ICA1: variants seen among roughly 807,000 people sequenced by gnomAD.
ICA1 encodes islet cell autoantigen 1.
In ICA1, 40 loss-of-function variants were observed where a neutral mutation model predicts 71.0. The ratio of observed to expected loss-of-function variants is 0.56; its 90% CI spans 0.44 to 0.73. The LOEUF is 0.73. Among genes scored for constraint, ICA1 ranks in the 30% least tolerant of loss-of-function variants. The pLI, the probability that ICA1 is intolerant of heterozygous loss-of-function variation, is 0.00. For missense variants in ICA1, 578 were observed against 576.5 expected, an observed-to-expected ratio of 1.00 and a Z score of -0.03; for synonymous variants, 207 against 209.5, an observed-to-expected ratio of 0.99 and a Z score of 0.10.
chr7:8,255,769 ACTT>A (rs1809906622), intron 1 of ICA1, among the ~76,000 whole-genome samples: 2 of 135,390 alleles, frequency 1.5e-5, no homozygotes, highest in South Asian at 4.4e-4. Context: ...TGAAAACCTC[ACTT>A]CTTTCTCTTT....
At chr7:8,128,741 G>C (rs1230258892) in intron 12 of ICA1, among the ~76,000 whole-genome samples, 1 of 152,192 alleles carries the variant, frequency 6.6e-6, no homozygotes, top group African/African-American at 2.4e-5. Context: ...GGTCTGGTTT[G>C]CCTAAGTGCC....
intron 12 of ICA1, among the ~76,000 whole-genome samples, chr7:8,134,392 T>C (rs780060282): frequency 6.6e-5 from 10 of 152,190 alleles, no homozygotes; most frequent in Non-Finnish European, 1.5e-5. Flanking sequence ...CTGAGTTTCA[T>C]GACCTCAGCA....
chr7:8,157,066 A>G, intron 8 of ICA1, 50 bp downstream of exon 8: 1 of 1,614,016 alleles, frequency 6.2e-7, no homozygotes, highest in Non-Finnish European at 8.5e-7. Flanking sequence ...TGATATAAAC[A>G]AAACTTTACT....
chr7:8,221,517 A>C, intron 4 of ICA1, 119 bp from the exon 5 acceptor site: 1 of 1,171,502 alleles, frequency 8.5e-7, no homozygotes, highest in Non-Finnish European at 1.2e-6. Flanking sequence ...ATGAAATTAA[A>C]TCTAAGCGGC....
intron 6 of ICA1, among the ~76,000 whole-genome samples, chr7:8,161,934 C>T (rs1803995077): frequency 1.3e-5 from 2 of 152,172 alleles, no homozygotes; most frequent in South Asian, 4.1e-4. Flanking sequence ...TGTAAGGAAA[C>T]AGACAATGAA....
Position 8,234,893 on chromosome 7 carries a change from C to T in ICA1, c.17+1017G>A, listed in dbSNP as rs1412208332. 3.9e-5 allele frequency among the ~76,000 whole-genome samples: 6 copies of T among 152,154 alleles called. No homozygotes were observed. Among genetic ancestry groups the T allele is most frequent in the South Asian group, 2.1e-4 (1 of 4,810 alleles). On this transcript the variant is annotated intron_variant, in intron 2 of 13. Transcript: ENST00000402384. This position sits in a 1 kb window ranked among gnomAD's most constrained non-coding sequence, Gnocchi z 4.5. The stretch of plus-strand genomic sequence containing the variant: ...TAGAATGGATTTCTTTGGCCGGGCG[C>T]GGTGGCTCATGCCTGTAATCCCAGC...
Position 8,113,951 on chromosome 7 carries a change from T to G in ICA1, c.1424A>C (p.Asp475Ala). ...LSNPDAVGKT[D>A]KEHELLNA ...TGCATTGAGCAATTCGTGTTCTTTATCGGTTTTCCCAACAGCATCAGGATT... is the reference window on the plus strand; with the variant it reads ...TGCATTGAGCAATTCGTGTTCTTTAGCGGTTTTCCCAACAGCATCAGGATT... The change falls in exon 14 of 14, where the codon GAT becomes GCT. Residue 475 changes from aspartate to alanine, a missense_variant. Transcript: ENST00000402384. The surrounding 1 kb of genome is among the most constrained non-coding windows in gnomAD (Gnocchi z 4.2). The G allele has an allele frequency of 6.2e-7, 1 of 1,614,186 alleles. No homozygotes were observed.
intron 4 of ICA1, among the ~76,000 whole-genome samples, chr7:8,225,933 G>T (rs1045887268): frequency 3.9e-5 from 6 of 152,084 alleles, no homozygotes; most frequent in African/African-American, 1.2e-4. Flanking sequence ...ATGAGAGTAC[G>T]GCTTCCATGT....
At chr7:8,168,369 G>A (rs917597816) in intron 6 of ICA1, among the ~76,000 whole-genome samples, 1 of 151,892 alleles carries the variant, frequency 6.6e-6, no homozygotes, top group Non-Finnish European at 1.5e-5. Flanking sequence ...CATTTGTTTG[G>A]GAAATCCCTA....
intron 6 of ICA1, among the ~76,000 whole-genome samples, chr7:8,179,205 C>A (rs149203034): frequency 3.5e-4 from 54 of 152,310 alleles, no homozygotes; most frequent in African/African-American, 1.2e-3. Context: ...AACCTGGACG[C>A]CTGGCTGGGA....
chr7:8,182,595 G>A lies in ICA1; in HGVS notation c.580-23943C>T, dbSNP rs563340022. Among the ~76,000 whole-genome samples the A allele has an allele frequency of 3.3e-5, 5 of 152,086 alleles. No homozygotes were observed. In the South Asian group the frequency reaches 1.0e-3, roughly 32 times the overall value. On this transcript the variant is annotated intron_variant, in intron 6 of 13. Transcript: ENST00000402384. ...CCTGGGATCCTAGTAGTTATCTTAT[G>A]GGTGATATATTTCCTCTAAATTTTT...
chr7:8,221,908 G>C (rs1422933965), intron 4 of ICA1, among the ~76,000 whole-genome samples: 1 of 152,074 alleles, frequency 6.6e-6, no homozygotes, highest in East Asian at 1.9e-4. Context: ...AGGGACGGAG[G>C]GTGGGGAGGT....
intron 9 of ICA1, chr7:8,142,137 C>G: frequency 1.6e-6 from 1 of 616,516 alleles, no homozygotes; most frequent in East Asian, 6.3e-5. Context: ...GTTAAAAAAA[C>G]TGTAAAAATA....
intron 6 of ICA1, among the ~76,000 whole-genome samples, chr7:8,161,820 C>G (rs538489416): frequency 6.2e-4 from 94 of 152,298 alleles, no homozygotes; most frequent in African/African-American, 2.2e-3. Context: ...GTCCTGCTTA[C>G]CATAGCCTTG....
chr7:8,151,986 G>A (rs1426138965), intron 8 of ICA1, among the ~76,000 whole-genome samples: 1 of 152,176 alleles, frequency 6.6e-6, no homozygotes, highest in African/African-American at 2.4e-5. Flanking sequence ...TCAAGAGCGA[G>A]TTGTAAAGCC....
chr7:8,158,711 A>T (rs549283100), intron 6 of ICA1, 59 bp from the exon 7 acceptor site: 6 of 1,547,724 alleles, frequency 3.9e-6, no homozygotes, highest in Non-Finnish European at 5.3e-6. Context: ...TAAAATTTGC[A>T]GGTGAAATGA....
At chr7:8,253,682 G>A (rs1335826279) in intron 1 of ICA1, among the ~76,000 whole-genome samples, 2 of 152,052 alleles carry the variant, frequency 1.3e-5, no homozygotes, top group Non-Finnish European at 2.9e-5. Flanking sequence ...AACCTGGCAT[G>A]AGAAACCTGT....
chr7:8,141,583 C>T (rs965479766), intron 10 of ICA1, among the ~76,000 whole-genome samples, 182 bp downstream of exon 10: 1 of 152,190 alleles, frequency 6.6e-6, no homozygotes, highest in African/African-American at 2.4e-5. Flanking sequence ...CTCAGTAATG[C>T]TGTAGGGTTG....
chr7:8,183,403 A>G (rs1413107327), intron 6 of ICA1, among the ~76,000 whole-genome samples: 1 of 152,244 alleles, frequency 6.6e-6, no homozygotes, highest in Non-Finnish European at 1.5e-5. Context: ...ATATAATCCA[A>G]TAAGAGATAC....
Sources: allele counts gnomAD v4.1 joint callset (sites outside exome capture counted in the v4.1 genomes callset), GRCh38; gene constraint gnomAD v4.1.1; non-coding constraint Gnocchi (gnomAD v3.1); transcripts MANE v1.5; gene names NCBI Gene and HGNC (gene_info 2026-07-23, HGNC 2026-07-21).